Variants in ARHGAP40 observed in about 807,000 individuals in gnomAD.
ARHGAP40 encodes Rho GTPase activating protein 40.
A neutral mutation model predicts 73.5 loss-of-function variants in ARHGAP40; 43 were observed. That is an observed-to-expected ratio of 0.58 (90% CI 0.46 to 0.75). ARHGAP40 has a LOEUF of 0.75. Among genes scored for constraint, ARHGAP40 ranks in the 30% least tolerant of loss-of-function variants. The pLI, the probability that ARHGAP40 is intolerant of heterozygous loss-of-function variation, is 0.00. For synonymous variants in ARHGAP40, 300 were observed against 352.8 expected (o/e 0.85, Z 1.68); for missense variants, 734 against 861.8 (o/e 0.85, Z 1.86).
Position 38,643,793 on chromosome 20 carries a change from C to T in ARHGAP40, c.1452C>T (p.Asn484=). 3 of 1,305,828 alleles carry T rather than the reference C, an allele frequency of 2.3e-6. No individual in the cohort carries two copies. The South Asian group carries it at 3.7e-5, about 16-fold the overall frequency. The allele number at this position is 1,305,828 out of a possible 1,614,324, so 80.9% of individuals were successfully genotyped here. The change falls in exon 11 of 15, where the codon AAC becomes AAT. Residue 484 remains asparagine (N), a synonymous_variant. Coordinates refer to ENST00000373345, the Ensembl canonical transcript of ARHGAP40. ...ATGTTTCCACCGTGATGGCCCCTAA[C>T]CTCTTTCTGCACCAAGGGCGGCCCC...
chr20:38,605,192 G>A (rs2088763998), intron 1 of ARHGAP40, among the ~76,000 whole-genome samples: 1 of 152,196 alleles, frequency 6.6e-6, no homozygotes, highest in Admixed American at 6.5e-5. Context: ...CACAGGGCTG[G>A]CTTGTTGTAG....
intron 6 of ARHGAP40, among the ~76,000 whole-genome samples, chr20:38,635,028 C>T (rs539817449): frequency 5.3e-5 from 8 of 152,074 alleles, no homozygotes; most frequent in African/African-American, 1.4e-4. Context: ...ACTACAGGTG[C>T]GCACCACCAT....
intron 1 of ARHGAP40, among the ~76,000 whole-genome samples, chr20:38,607,283 A>G (rs1328852095): frequency 6.6e-6 from 1 of 152,078 alleles, no homozygotes; most frequent in African/African-American, 2.4e-5. Flanking sequence ...TCTGGGCCTG[A>G]TCCTTCATTT....
chr20:38,620,903 G>C (rs995665201), intron 1 of ARHGAP40, among the ~76,000 whole-genome samples: 1 of 152,212 alleles, frequency 6.6e-6, no homozygotes. Flanking sequence ...CAGGGTCTAC[G>C]GTAAAATCCT....
intron 3 of ARHGAP40, among the ~76,000 whole-genome samples, chr20:38,628,369 A>T (rs1194734240): frequency 6.6e-6 from 1 of 151,396 alleles, no homozygotes; most frequent in African/African-American, 2.4e-5. Context: ...CAGTGGCGAC[A>T]TCTCGACTCA....
chr20:38,608,528 A>T lies in ARHGAP40; in HGVS notation c.137+6449A>T, dbSNP rs73905649. Among the ~76,000 whole-genome samples the T allele has an allele frequency of 1.9e-3, 287 of 152,134 alleles. 1 individual carries two copies. The highest frequency in any genetic ancestry group is 6.8e-3 in the African/African-American group (284 of 41,508). On this transcript the variant is annotated intron_variant, in intron 1 of 14. Transcript: ENST00000373345. ...CTGAATGTTTTACAGGCCTTACTTT[A>T]TTTCATCCTCACTGCCTTCTGTATA...
At chr20:38,645,483 C>T (rs1461242876) in intron 11 of ARHGAP40, among the ~76,000 whole-genome samples, 3 of 152,202 alleles carry the variant, frequency 2.0e-5, no homozygotes, top group African/African-American at 7.2e-5. Flanking sequence ...GTGTGTGTCA[C>T]CTTTAGACAG....
intron 9 of ARHGAP40, among the ~76,000 whole-genome samples, chr20:38,639,594 G>A (rs1048144706): frequency 6.6e-6 from 1 of 152,258 alleles, no homozygotes; most frequent in Non-Finnish European, 1.5e-5. Flanking sequence ...TGCGTGTGTT[G>A]TATGGCATGT....
intron 1 of ARHGAP40, among the ~76,000 whole-genome samples, chr20:38,609,002 A>G (rs187084297): frequency 6.6e-6 from 1 of 152,262 alleles, no homozygotes; most frequent in East Asian, 1.9e-4. Flanking sequence ...TCCCCATTTA[A>G]GGACCTTAGT....
At chr20:38,628,785 T>C in intron 3 of ARHGAP40, 142 bp from the exon 4 acceptor site, 1 of 509,670 alleles carries the variant, frequency 2.0e-6, no homozygotes, top group South Asian at 2.0e-5. Flanking sequence ...GCTGTGGGAC[T>C]TTGGGCAAGT....
intron 6 of ARHGAP40, among the ~76,000 whole-genome samples, chr20:38,635,027 G>A (rs2088965464): frequency 6.6e-6 from 1 of 151,942 alleles, no homozygotes; most frequent in African/African-American, 2.4e-5. Flanking sequence ...GACTACAGGT[G>A]CGCACCACCA....
intron 1 of ARHGAP40, chr20:38,615,465 G>A (rs2088830487): frequency 7.2e-6 from 5 of 693,584 alleles, no homozygotes; most frequent in South Asian, 3.0e-5. Context: ...ACTCGACCTC[G>A]GCCACGTCCA....
At chr20:38,649,426 T>C (rs896595015) in intron 14 of ARHGAP40, among the ~76,000 whole-genome samples, 5 of 152,170 alleles carry the variant, frequency 3.3e-5, no homozygotes, top group African/African-American at 1.2e-4. Context: ...AGTGTTCGCA[T>C]CCTGGAGCTT....
rs2088739487 is a variant in ARHGAP40, at chr20:38,602,203, A to G, written c.137+124A>G. On this transcript the variant is annotated intron_variant, in intron 1 of 14. Coordinates refer to ENST00000373345, the Ensembl canonical transcript of ARHGAP40. ...CTCCATCGTACAGATGAGGAAACAG[A>G]GGCTTGGAGAGCCCGGTCACCTGGC... is the stretch of plus-strand genomic sequence containing the variant. 2.6e-6 allele frequency: 3 copies of G among 1,134,198 alleles called. No individual in the cohort carries two copies. In the Admixed American group the frequency reaches 1.1e-4, roughly 43 times the overall value. The allele number at this position is 1,134,198 out of a possible 1,614,324, so 70.3% of individuals were successfully genotyped here.
intron 10 of ARHGAP40, among the ~76,000 whole-genome samples, chr20:38,643,157 A>C (rs1053037677): frequency 7.0e-6 from 1 of 142,094 alleles, no homozygotes; most frequent in Non-Finnish European, 1.6e-5. Flanking sequence ...AAAAAAAAAA[A>C]ACAAAAAACA....
At chr20:38,649,694 G>A in intron 14 of ARHGAP40, 63 bp from the exon 15 acceptor site, 1 of 1,074,010 alleles carries the variant, frequency 9.3e-7, no homozygotes, top group Non-Finnish European at 1.3e-6. Context: ...GAAGGGCTCT[G>A]TGCAGGGGAA....
intron 6 of ARHGAP40, among the ~76,000 whole-genome samples, chr20:38,637,200 C>T (rs141697833): frequency 0.018 from 2,784 of 151,650 alleles, 88 homozygotes; most frequent in African/African-American, 0.063. Flanking sequence ...GGCTGGAGTG[C>T]CATGGTGCAA....
intron 6 of ARHGAP40, among the ~76,000 whole-genome samples, chr20:38,636,778 T>A (rs1037423710): frequency 9.2e-5 from 14 of 152,204 alleles, no homozygotes; most frequent in African/African-American, 3.4e-4. Context: ...CCTTCAGCAG[T>A]GTATGAAAGT....
chr20:38,629,851 G>T (rs2145605962), intron 5 of ARHGAP40, among the ~76,000 whole-genome samples: 1 of 152,312 alleles, frequency 6.6e-6, no homozygotes, highest in East Asian at 1.9e-4. Context: ...CAGTCTAACA[G>T]TCCTGTCAGT....
Sources: gnomAD v4.1 joint callset for allele counts (sites outside exome capture counted in the v4.1 genomes callset) on GRCh38, gnomAD v4.1.1 for gene constraint, MANE v1.5 for transcripts, NCBI Gene and HGNC (gene_info 2026-07-23, HGNC 2026-07-21) for gene names.